RNF180: variants seen among roughly 807,000 people sequenced by gnomAD.
RNF180 encodes the protein ring finger protein 180.
Under a neutral mutation model 59.2 loss-of-function variants are expected in RNF180, and 38 were observed. That is an observed-to-expected ratio of 0.64 (90% confidence interval 0.50 to 0.84). The LOEUF is 0.84. Among genes scored for constraint, RNF180 ranks in the 40% least tolerant of loss-of-function variants. The probability of loss-of-function intolerance (pLI) is 0.00; values close to 1 mark genes in which losing one functional copy is unlikely to be tolerated. For missense variants in RNF180, 705 were observed against 700.9 expected, an observed-to-expected ratio of 1.01 and a Z score of -0.07; for synonymous variants, 262 against 240.3, an observed-to-expected ratio of 1.09 and a Z score of -0.84.
chr5:64,230,043 G>C (rs982550287), intron 5 of RNF180, among the ~76,000 whole-genome samples: 2 of 151,900 alleles, frequency 1.3e-5, no homozygotes, highest in African/African-American at 4.8e-5. Context: ...ATTATTTCTG[G>C]TTGCTGAATT....
chr5:64,203,676 A>C (rs1751865873), intron 2 of RNF180, among the ~76,000 whole-genome samples: 1 of 152,074 alleles, frequency 6.6e-6, no homozygotes, highest in African/African-American at 2.4e-5. Flanking sequence ...AATACACACA[A>C]ATTATTTTAA....
intron 5 of RNF180, among the ~76,000 whole-genome samples, chr5:64,286,339 T>A (rs571840927): frequency 6.6e-6 from 1 of 152,214 alleles, no homozygotes; most frequent in South Asian, 2.1e-4. Flanking sequence ...TATAAAGACA[T>A]AAGTTTCAAG....
chr5:64,305,342 G>A (rs536735747), intron 5 of RNF180, among the ~76,000 whole-genome samples: 1 of 151,422 alleles, frequency 6.6e-6, no homozygotes, highest in South Asian at 2.1e-4. Flanking sequence ...CTTTAACTCT[G>A]GGGGTCCTAT....
At chr5:64,210,309 T>G (rs1255737690) in intron 2 of RNF180, among the ~76,000 whole-genome samples, 1 of 152,124 alleles carries the variant, frequency 6.6e-6, no homozygotes, top group East Asian at 1.9e-4. Context: ...TGCAGGCTCT[T>G]TCCTTCAGTG....
intron 5 of RNF180, among the ~76,000 whole-genome samples, chr5:64,233,791 C>G (rs1160334591): frequency 6.6e-6 from 1 of 152,176 alleles, no homozygotes; most frequent in East Asian, 1.9e-4. Flanking sequence ...AAGAAAAATT[C>G]AATAACCTTT....
chr5:64,173,717 C>CT (rs113698456), intron 1 of RNF180, among the ~76,000 whole-genome samples: 16,367 of 139,954 alleles, frequency 0.12, 1,120 homozygotes, highest in South Asian at 0.17. Flanking sequence ...ATAGCATCAA[C>CT]TTTTTTTTTT....
chr5:64,187,962 T>G (rs1446331677), intron 1 of RNF180, among the ~76,000 whole-genome samples: 8 of 152,208 alleles, frequency 5.3e-5, no homozygotes, highest in Admixed American at 5.2e-4. Flanking sequence ...GATCATTGAC[T>G]GTAGTGTTGC....
chr5:64,249,785 A>C (rs1388970487), intron 5 of RNF180, among the ~76,000 whole-genome samples: 1 of 152,202 alleles, frequency 6.6e-6, no homozygotes, highest in Admixed American at 6.5e-5. Context: ...ATAGTTGTAC[A>C]TATATATGCA....
intron 1 of RNF180, among the ~76,000 whole-genome samples, chr5:64,198,295 A>G (rs967801300): frequency 6.6e-5 from 10 of 152,194 alleles, no homozygotes; most frequent in Non-Finnish European, 1.0e-4. Flanking sequence ...GCTACTGTAT[A>G]GAATAGCTCA....
rs146713488 is a variant in RNF180 at position 64,211,866 on chromosome 5, C to G, written c.136-199C>G. Among the ~76,000 whole-genome samples, 4 of 152,130 alleles carry G rather than the reference C, an allele frequency of 2.6e-5. No homozygotes were observed. The East Asian group carries it at 7.7e-4, about 29-fold the overall frequency. ...AAGGGCTTTGTCTTAAATCACAGGT[C>G]GTTATTCCCTGAAGAAATTTTTAAA... On this transcript the variant is annotated intron_variant, in intron 2 of 7. Transcript: ENST00000389100.
At chr5:64,207,757 A>G (rs1178897280) in intron 2 of RNF180, among the ~76,000 whole-genome samples, 2 of 152,134 alleles carry the variant, frequency 1.3e-5, no homozygotes, top group Non-Finnish European at 2.9e-5. Flanking sequence ...TACCTTCTCA[A>G]AGTACAAATA....
intron 5 of RNF180, among the ~76,000 whole-genome samples, chr5:64,261,711 A>T (rs188827744): frequency 5.3e-4 from 81 of 152,204 alleles, no homozygotes; most frequent in African/African-American, 1.9e-3. Context: ...ATTTCTTTTG[A>T]GTCTCTTATA....
chr5:64,233,001 G>C (rs1466097049), intron 5 of RNF180, among the ~76,000 whole-genome samples: 1 of 152,182 alleles, frequency 6.6e-6, no homozygotes, highest in Non-Finnish European at 1.5e-5. Flanking sequence ...TCATGATTTG[G>C]TTATGCTGTG....
intron 1 of RNF180, among the ~76,000 whole-genome samples, chr5:64,196,136 G>GA (rs1163539147): frequency 1.3e-5 from 2 of 151,226 alleles, no homozygotes; most frequent in Non-Finnish European, 2.9e-5. Flanking sequence ...TAACAAGATG[G>GA]AAACACCTGT....
chr5:64,355,352 T>C (rs1745975501), intron 7 of RNF180, among the ~76,000 whole-genome samples: 1 of 151,938 alleles, frequency 6.6e-6, no homozygotes, highest in Non-Finnish European at 1.5e-5. Context: ...CTAGGAATAA[T>C]TTTAAGCATG....
At chr5:64,364,233 C>G (rs1229019993) in intron 7 of RNF180, among the ~76,000 whole-genome samples, 1 of 151,726 alleles carries the variant, frequency 6.6e-6, no homozygotes, top group Non-Finnish European at 1.5e-5. Context: ...ATAGATGGCC[C>G]TTATTATTGA....
At chr5:64,304,939 ATCAG>A (rs1392611936) in intron 5 of RNF180, among the ~76,000 whole-genome samples, 2 of 151,620 alleles carry the variant, frequency 1.3e-5, no homozygotes, top group African/African-American at 4.8e-5. Flanking sequence ...CACCACCCTA[ATCAG>A]TCAGTAGCCA....
chr5:64,237,906 A>G (rs1005639802), intron 5 of RNF180, among the ~76,000 whole-genome samples: 1 of 151,330 alleles, frequency 6.6e-6, no homozygotes, highest in Non-Finnish European at 1.5e-5. Flanking sequence ...CTTCCCCTTT[A>G]CCTTCCTCCA....
intron 5 of RNF180, among the ~76,000 whole-genome samples, chr5:64,240,578 A>G (rs1357361408): frequency 6.6e-6 from 1 of 152,218 alleles, no homozygotes; most frequent in Non-Finnish European, 1.5e-5. Context: ...CAGCACTTTT[A>G]ACCATGATGA....
Sources: allele counts gnomAD v4.1 joint callset (sites outside exome capture counted in the v4.1 genomes callset), GRCh38; gene constraint gnomAD v4.1.1; transcripts MANE v1.5; gene names NCBI Gene and HGNC (gene_info 2026-07-23, HGNC 2026-07-21).